Variants in FLNB observed in about 807,000 individuals in gnomAD.
FLNB encodes filamin B, also known as filamin-B.
FLNB carries 111 observed loss-of-function variants against 250.6 expected under a neutral mutation model. The ratio of observed to expected loss-of-function variants is 0.44; its 90% CI spans 0.38 to 0.52. FLNB has a LOEUF of 0.52. FLNB is among the 20% of genes least tolerant of loss of function. FLNB has a pLI of 0.00. For synonymous variants in FLNB, 1,302 were observed against 1,372.1 expected, an observed-to-expected ratio of 0.95 and a Z score of 1.13; for missense variants, 2,869 against 3,447.8, an observed-to-expected ratio of 0.83 and a Z score of 4.20.
chr3:58,112,005 G>A (rs2097269626), intron 17 of FLNB, 124 bp downstream of exon 17: 2 of 1,167,430 alleles, frequency 1.7e-6, no homozygotes, highest in South Asian at 2.5e-5. Flanking sequence ...CAGGTTTTCT[G>A]TGCAGCTCTG....
chr3:58,152,894 G>T, intron 38 of FLNB: 1 of 379,380 alleles, frequency 2.6e-6, no homozygotes, highest in South Asian at 2.6e-5. Flanking sequence ...TTGCGTCCTA[G>T]CACTGGTGAC....
At chr3:58,108,361 A>G in intron 12 of FLNB, 97 bp from the exon 13 acceptor site, 1 of 784,518 alleles carries the variant, frequency 1.3e-6, no homozygotes, top group South Asian at 1.5e-5. Context: ...GACACAGGTC[A>G]TTTTGTTCTT....
chr3:58,130,514 C>A (rs900709096), intron 24 of FLNB, among the ~76,000 whole-genome samples: 1 of 152,150 alleles, frequency 6.6e-6, no homozygotes, highest in African/African-American at 2.4e-5. Context: ...GGGGTGTTAA[C>A]CGCTCAGGAT....
intron 38 of FLNB, among the ~76,000 whole-genome samples, chr3:58,151,794 C>T (rs991149336): frequency 4.6e-5 from 7 of 152,240 alleles, no homozygotes; most frequent in Non-Finnish European, 7.3e-5. Flanking sequence ...ATTTGCCACC[C>T]TGTGCTCAGG....
At chr3:58,079,063 T>C (rs2106953288) in intron 3 of FLNB, among the ~76,000 whole-genome samples, 1 of 152,346 alleles carries the variant, frequency 6.6e-6, no homozygotes, top group South Asian at 2.1e-4. Flanking sequence ...CTCTTCTTTG[T>C]CACACACTGG....
chr3:58,152,970 A>G (rs2097347725), intron 38 of FLNB: 1 of 322,652 alleles, frequency 3.1e-6, no homozygotes, highest in East Asian at 7.7e-5. Flanking sequence ...TTGCTCACGC[A>G]TGGTTTCCCC....
In FLNB at chr3:58,171,089, T is replaced by C. The variant is rs573607149; in HGVS notation, c.*327T>C. 6.6e-6 allele frequency: 2 copies of C among 301,164 alleles called. No individual in the cohort carries two copies. Among genetic ancestry groups the C allele is most frequent in the South Asian group, 4.1e-5 (1 of 24,676 alleles). 18.7% of individuals were successfully genotyped at this position (301,164 alleles called of 1,614,324 possible). ...GACTGACATTTCAAAAAAACAAAAC[T>C]GGCTAGCCTGAGCTGCTGGTTCACT... is the stretch of plus-strand genomic sequence containing the variant. On this transcript the variant is annotated 3_prime_UTR_variant, in exon 46 of 46. Transcript: ENST00000295956. The surrounding 1 kb of genome is among the most constrained non-coding windows in gnomAD (Gnocchi z 5.5).
Position 58,149,985 on chromosome 3 carries a change from C to T in FLNB, c.6227C>T (p.Ala2076Val). ...PGVYIVSTKFADEHVPGSPFT... is the reference protein window; with the variant it reads ...PGVYIVSTKFVDEHVPGSPFT... Reference sequence around the variant, plus strand: ...GTTTATATCGTCTCCACCAAATTCGCTGACGAGCACGTGCCTGGTATGTGC... The same window carrying T: ...GTTTATATCGTCTCCACCAAATTCGTTGACGAGCACGTGCCTGGTATGTGC... Residue 2076 changes from alanine (A) to valine (V), a missense_variant, in exon 37 of 46, where the codon GCT becomes GTT. Coordinates refer to ENST00000295956, the MANE Select transcript of FLNB (RefSeq NM_001457.4). The T allele has an allele frequency of 3.1e-6, 5 of 1,614,278 alleles. No homozygotes were observed. The highest frequency in any genetic ancestry group is 4.2e-6 in the Non-Finnish European group (5 of 1,180,052).
At chr3:58,029,133 A>G (rs982235383) in intron 1 of FLNB, among the ~76,000 whole-genome samples, 1 of 151,750 alleles carries the variant, frequency 6.6e-6, no homozygotes. Context: ...TATGACAATG[A>G]TCCATCTTAA....
intron 3 of FLNB, among the ~76,000 whole-genome samples, chr3:58,081,024 C>T (rs1024335703): frequency 6.6e-6 from 1 of 151,994 alleles, no homozygotes; most frequent in African/African-American, 2.4e-5. Context: ...GAACTCCTGA[C>T]CTCAAGTGAT....
At chr3:58,056,614 A>G (rs1338724849) in intron 1 of FLNB, among the ~76,000 whole-genome samples, 3 of 151,178 alleles carry the variant, frequency 2.0e-5, no homozygotes, top group Non-Finnish European at 4.4e-5. Context: ...TTATTTATTT[A>G]TTTTTGAGAC....
chr3:58,025,857 C>T lies in FLNB; in HGVS notation c.292+17001C>T, dbSNP rs763018735. On this transcript the variant is annotated intron_variant, in intron 1 of 45. Transcript: ENST00000295956. ...AGGAAAATCGCTAGAACCTGGGAGG[C>T]GGAGGTTGCAGTGAGCCGAGATCAT... Among the ~76,000 whole-genome samples the T allele has an allele frequency of 5.3e-5, 8 of 152,270 alleles. No individual in the cohort carries two copies. In the South Asian group the frequency reaches 1.0e-3, roughly 20 times the overall value.
chr3:58,107,518 C>G (rs2097261611), intron 12 of FLNB, among the ~76,000 whole-genome samples: 1 of 152,196 alleles, frequency 6.6e-6, no homozygotes, highest in South Asian at 2.1e-4. Flanking sequence ...TTATGCCTGG[C>G]CCATGCAGGG....
At chr3:58,166,521 C>G (rs1002724710) in intron 43 of FLNB, among the ~76,000 whole-genome samples, 1 of 152,148 alleles carries the variant, frequency 6.6e-6, no homozygotes, top group Non-Finnish European at 1.5e-5. Flanking sequence ...TTCAACTTCA[C>G]TTTAAAAATA....
chr3:58,122,090 A>G (rs1398246250), intron 20 of FLNB, among the ~76,000 whole-genome samples: 2 of 148,376 alleles, frequency 1.3e-5, no homozygotes, highest in Admixed American at 1.4e-4. Context: ...AATGGTGTGA[A>G]CCTGGGAGGC....
chr3:58,098,574 C>G, intron 7 of FLNB, 137 bp from the exon 8 acceptor site: 1 of 736,238 alleles, frequency 1.4e-6, no homozygotes, highest in Non-Finnish European at 2.4e-6. Context: ...CTCAAGTGAT[C>G]TACCCACCTC....
chr3:58,150,945 A>T (rs9867527), intron 38 of FLNB: 6 of 153,198 alleles, frequency 3.9e-5, no homozygotes, highest in African/African-American at 7.3e-5. Flanking sequence ...TCTACACTGC[A>T]TCTCCCATCC....
rs1203629089 is a variant in FLNB, at chr3:58,172,002, T to A, written c.*1240T>A. The stretch of plus-strand genomic sequence containing the variant: ...ACGTTGCCTGAGCCCAAATGTGTAG[T>A]GTGGTCTGGGCAGGCAGACCTTTAG... On this transcript the variant is annotated 3_prime_UTR_variant, in exon 46 of 46. Transcript: ENST00000295956. The A allele has an allele frequency of 6.6e-6, 1 of 152,380 alleles. No individual in the cohort carries two copies. Among genetic ancestry groups the A allele is most frequent in the Non-Finnish European group, 1.5e-5 (1 of 68,070 alleles). The allele number at this position is 152,380 out of a possible 1,614,324, so 9.4% of individuals were successfully genotyped here. A position where few individuals can be genotyped will look rare whatever the true frequency, so the allele number is the denominator to read the frequency against.
intron 1 of FLNB, among the ~76,000 whole-genome samples, chr3:58,050,261 C>T (rs1423531860): frequency 6.6e-6 from 1 of 152,036 alleles, no homozygotes; most frequent in Non-Finnish European, 1.5e-5. Flanking sequence ...AGCTCTTGAC[C>T]TCGTTATCCA....
Sources: allele counts gnomAD v4.1 joint callset (sites outside exome capture counted in the v4.1 genomes callset), GRCh38; gene constraint gnomAD v4.1.1; non-coding constraint Gnocchi (gnomAD v3.1); transcripts MANE v1.5; gene names NCBI Gene and HGNC (gene_info 2026-07-23, HGNC 2026-07-21).